UBE2QL1: variants seen among roughly 807,000 people sequenced by gnomAD.
UBE2QL1 encodes ubiquitin-conjugating enzyme E2Q-like protein 1.
UBE2QL1 carries 5 observed loss-of-function variants against 12.6 expected under a neutral mutation model. The ratio of observed to expected loss-of-function variants is 0.40; its 90% CI spans 0.21 to 0.83. The LOEUF is 0.83. UBE2QL1 is among the 40% of genes least tolerant of loss of function. The pLI is 0.37. For synonymous variants in UBE2QL1, 96 were observed against 94.5 expected (o/e 1.02, Z -0.10); for missense variants, 99 against 222.6 (o/e 0.44, Z 3.53).
rs1242617001 is a variant in UBE2QL1, at chr5:6,494,813, T to A, written c.*3464T>A. 2 of 152,126 alleles carry A rather than the reference T, an allele frequency of 1.3e-5. No homozygotes were observed. Among genetic ancestry groups the A allele is most frequent in the African/African-American group, 4.8e-5 (2 of 41,420 alleles). 9.4% of individuals were successfully genotyped at this position (152,126 alleles called of 1,614,324 possible). ...ACCAACTGACCCAAAAATCAACCAA[T>A]AACTAACTGGCCATCTCTCCACTCA... On this transcript the variant is annotated 3_prime_UTR_variant, in exon 2 of 2. Transcript: ENST00000399816.
intron 1 of UBE2QL1, among the ~76,000 whole-genome samples, chr5:6,455,138 G>A (rs1206208416): frequency 6.6e-6 from 1 of 152,158 alleles, no homozygotes; most frequent in Admixed American, 6.5e-5. Flanking sequence ...TCCCTTAAGC[G>A]ATGGGGGAGA....
chr5:6,472,571 G>T (rs918446850), intron 1 of UBE2QL1, among the ~76,000 whole-genome samples: 4 of 152,130 alleles, frequency 2.6e-5, no homozygotes, highest in Non-Finnish European at 4.4e-5. Flanking sequence ...CAGCCATTCA[G>T]GTCTCTTCTT....
rs370003042 is a variant in UBE2QL1, at chr5:6,475,983, A to G, written c.355-15235A>G. 9.2e-5 allele frequency among the ~76,000 whole-genome samples: 14 copies of G among 152,236 alleles called. No individual in the cohort carries two copies. The East Asian group carries it at 2.5e-3, about 27-fold the overall frequency. On this transcript the variant is annotated intron_variant, in intron 1 of 1. Transcript: ENST00000399816. The stretch of plus-strand genomic sequence containing the variant: ...CAAGACCTGTCGGAAAGAATGCTTT[A>G]TGAAATACACTTATTTTTTAAAGTA...
Position 6,482,362 on chromosome 5 carries a change from G to T in UBE2QL1, c.355-8856G>T, listed in dbSNP as rs540016029. Among the ~76,000 whole-genome samples, 149 of 152,086 alleles carry T rather than the reference G, an allele frequency of 9.8e-4. 2 individuals are homozygous for T. The highest frequency in any genetic ancestry group is 3.4e-3 in the African/African-American group (143 of 41,496). ...CTAAGGCACCTCCCATCCCTGCCTC[G>T]CCCACCTCCACCCCCCAGCAAGCTC... is the stretch of plus-strand genomic sequence containing the variant. On this transcript the variant is annotated intron_variant, in intron 1 of 1. Transcript: ENST00000399816.
chr5:6,465,998 C>G (rs272481), intron 1 of UBE2QL1, among the ~76,000 whole-genome samples: 105,444 of 151,824 alleles, frequency 0.69, 37,061 homozygotes, highest in East Asian at 1. Flanking sequence ...GACCTCCCTC[C>G]CCTCACACTC....
intron 1 of UBE2QL1, among the ~76,000 whole-genome samples, chr5:6,465,859 C>T (rs921143584): frequency 1.3e-5 from 2 of 152,210 alleles, no homozygotes; most frequent in Non-Finnish European, 2.9e-5. Context: ...GGACTCCTCG[C>T]CATTTCTGCA....
intron 1 of UBE2QL1, among the ~76,000 whole-genome samples, chr5:6,488,061 C>A (rs1291329949): frequency 6.6e-6 from 1 of 152,144 alleles, no homozygotes; most frequent in South Asian, 2.1e-4. Flanking sequence ...TAATTGTAAA[C>A]GTGGGTGTAA....
In UBE2QL1 at chr5:6,493,702, T is replaced by G. The variant is rs576035654; in HGVS notation, c.*2353T>G. ...ACTCAATTGGTAAGAATTTTTCATT[T>G]TAAAAGCAGTAGGAAGTGATGTAAA... On this transcript the variant is annotated 3_prime_UTR_variant, in exon 2 of 2. Coordinates refer to ENST00000399816, the MANE Select transcript of UBE2QL1 (RefSeq NM_001145161.3). The G allele has an allele frequency of 1.3e-5, 2 of 148,762 alleles. No homozygotes were observed. The highest frequency in any genetic ancestry group is 4.2e-4 in the South Asian group (2 of 4,804). 9.2% of individuals were successfully genotyped at this position (148,762 alleles called of 1,614,324 possible). A position where few individuals can be genotyped will look rare whatever the true frequency, so the allele number is the denominator to read the frequency against.
rs149126743 is a variant in UBE2QL1, at chr5:6,463,598, G to GTTATTATTATTA, written c.354+14384_354+14395dup. Among the ~76,000 whole-genome samples, 605 of 137,286 alleles carry GTTATTATTATTA rather than the reference G, an allele frequency of 4.4e-3. 3 individuals are homozygous for GTTATTATTATTA. The highest frequency in any genetic ancestry group is 7.4e-3 in the Middle Eastern group (2 of 270). The allele number at this position is 137,286 out of a possible 152,430, so 90.1% of individuals were successfully genotyped here. A position where few individuals can be genotyped will look rare whatever the true frequency, so the allele number is the denominator to read the frequency against. ...CCCAGGTAGGCTTTGTATTTGTGCTGTTATTATTATTATTATTATTATTAT... is the reference window on the plus strand; with the variant it reads ...CCCAGGTAGGCTTTGTATTTGTGCTGTTATTATTATTATTATTATTATTATTATTATTATTAT... On this transcript the variant is annotated intron_variant, in intron 1 of 1. Coordinates refer to ENST00000399816, the MANE Select transcript of UBE2QL1 (RefSeq NM_001145161.3).
intron 1 of UBE2QL1, among the ~76,000 whole-genome samples, chr5:6,454,707 G>T (rs1019488329): frequency 6.6e-6 from 1 of 152,140 alleles, no homozygotes; most frequent in African/African-American, 2.4e-5. Context: ...CCGGAGGGAA[G>T]CTAGAACAAC....
rs1024660612 is a variant in UBE2QL1, at chr5:6,455,763, C to T, written c.354+6516C>T. 9.2e-5 allele frequency among the ~76,000 whole-genome samples: 14 copies of T among 152,062 alleles called. 1 individual carries two copies. The highest frequency in any genetic ancestry group is 2.9e-4 in the African/African-American group (12 of 41,408). Reference sequence around the variant, plus strand: ...ACCCATCTGGCAGACACAGCCTCACCCACCAGTAACCACAGCCCAGAGCTT... The same window carrying T: ...ACCCATCTGGCAGACACAGCCTCACTCACCAGTAACCACAGCCCAGAGCTT... On this transcript the variant is annotated intron_variant, in intron 1 of 1. Coordinates refer to ENST00000399816, the MANE Select transcript of UBE2QL1 (RefSeq NM_001145161.3).
At chr5:6,473,969 T>A (rs1734156758) in intron 1 of UBE2QL1, among the ~76,000 whole-genome samples, 1 of 152,210 alleles carries the variant, frequency 6.6e-6, no homozygotes, top group African/African-American at 2.4e-5. Context: ...TAACATCTGA[T>A]TTAGTGCCTT....
At position 6,478,278 on chromosome 5, in the gene UBE2QL1, T is replaced by C. The variant is rs1003972526; in HGVS notation, c.355-12940T>C. On this transcript the variant is annotated intron_variant, in intron 1 of 1. Transcript: ENST00000399816. The surrounding 1 kb of genome is among the most constrained non-coding windows in gnomAD (Gnocchi z 4.5). ...AATTTCCTTCTGCATTGTGAAACTCTAGTGCTGAGCATGCTGTATGACATG... is the reference window on the plus strand; with the variant it reads ...AATTTCCTTCTGCATTGTGAAACTCCAGTGCTGAGCATGCTGTATGACATG... 5.9e-5 allele frequency among the ~76,000 whole-genome samples: 9 copies of C among 152,326 alleles called. No homozygotes were observed. Among genetic ancestry groups the C allele is most frequent in the Middle Eastern group, 3.4e-3 (1 of 294 alleles).
intron 1 of UBE2QL1, among the ~76,000 whole-genome samples, chr5:6,465,106 C>T (rs926987286): frequency 6.6e-6 from 1 of 151,930 alleles, no homozygotes; most frequent in Admixed American, 6.6e-5. Flanking sequence ...CAAGCCTCAG[C>T]CTCCCGAGTA....
chr5:6,454,993 G>A (rs919718052), intron 1 of UBE2QL1, among the ~76,000 whole-genome samples: 2 of 152,224 alleles, frequency 1.3e-5, no homozygotes, highest in African/African-American at 4.8e-5. Context: ...ACACCCGCTT[G>A]GAGAGCTCCA....
intron 1 of UBE2QL1, among the ~76,000 whole-genome samples, chr5:6,490,543 C>A (rs937956172): frequency 2.6e-5 from 4 of 152,216 alleles, no homozygotes; most frequent in Non-Finnish European, 5.9e-5. Context: ...AAAGCACCTG[C>A]CCTGACCTCT....
chr5:6,453,814 A>G (rs1166758384), intron 1 of UBE2QL1, among the ~76,000 whole-genome samples: 1 of 152,216 alleles, frequency 6.6e-6, no homozygotes, highest in Non-Finnish European at 1.5e-5. Flanking sequence ...CAGCAGTCTC[A>G]TCAGAAAGAG....
rs1455637821 is a variant in UBE2QL1 at position 6,479,665 on chromosome 5, T to C, written c.355-11553T>C. On this transcript the variant is annotated intron_variant, in intron 1 of 1. Coordinates refer to ENST00000399816, the MANE Select transcript of UBE2QL1 (RefSeq NM_001145161.3). The surrounding 1 kb of genome is among the most constrained non-coding windows in gnomAD (Gnocchi z 4.2). Reference sequence around the variant, plus strand: ...ACAAGGAGAAAACACAGACCGGGGGTCTCCTTTGTGCTGAGTAAGTGTTTC... The same window carrying C: ...ACAAGGAGAAAACACAGACCGGGGGCCTCCTTTGTGCTGAGTAAGTGTTTC... Among the ~76,000 whole-genome samples, 1 of 151,838 alleles carries C rather than the reference T, an allele frequency of 6.6e-6. No homozygotes were observed. Among genetic ancestry groups the C allele is most frequent in the Non-Finnish European group, 1.5e-5 (1 of 67,986 alleles).
chr5:6,474,225 G>A (rs529513720), intron 1 of UBE2QL1, among the ~76,000 whole-genome samples: 12 of 152,356 alleles, frequency 7.9e-5, no homozygotes, highest in African/African-American at 2.6e-4. Context: ...GGTACACCAC[G>A]GTCTATGCCT....
Sources: gnomAD v4.1 joint callset for allele counts (sites outside exome capture counted in the v4.1 genomes callset) on GRCh38, gnomAD v4.1.1 for gene constraint, Gnocchi (gnomAD v3.1) non-coding constraint, MANE v1.5 for transcripts, NCBI Gene and HGNC (gene_info 2026-07-23, HGNC 2026-07-21) for gene names.